Variants in TRPS1 observed in about 807,000 individuals in gnomAD.
TRPS1 encodes the protein zinc finger transcription factor Trps1.
In TRPS1, 6 loss-of-function variants were observed where a neutral mutation model predicts 101.2. That is an observed-to-expected ratio of 0.06 (90% CI 0.03 to 0.12). The LOEUF (loss-of-function observed/expected upper bound fraction) is 0.12, where lower values mean the gene tolerates loss of function less well. Ranked by LOEUF, TRPS1 falls within the 10% of genes least tolerant of loss-of-function variation. The pLI is 1.00. For missense variants in TRPS1, 1,363 were observed against 1,567.0 expected (o/e 0.87, Z 2.20); for synonymous variants, 578 against 589.8 (o/e 0.98, Z 0.29).
At chr8:115,509,210 T>C (rs545573328) in intron 5 of TRPS1, among the ~76,000 whole-genome samples, 1 of 152,138 alleles carries the variant, frequency 6.6e-6, no homozygotes, top group East Asian at 1.9e-4. Context: ...GAACTCCTTA[T>C]CTCTTTAAAG....
intron 5 of TRPS1, among the ~76,000 whole-genome samples, chr8:115,581,224 A>C (rs1373447831): frequency 6.6e-6 from 1 of 152,140 alleles, no homozygotes; most frequent in East Asian, 1.9e-4. Flanking sequence ...GTAGAAACCA[A>C]AAACGGAAGA....
At chr8:115,583,927 A>G (rs1193684425) in intron 5 of TRPS1, among the ~76,000 whole-genome samples, 2 of 152,070 alleles carry the variant, frequency 1.3e-5, no homozygotes, top group African/African-American at 4.8e-5. Context: ...AAAACCACTA[A>G]TGTTAATGAA....
At chr8:115,543,739 T>C (rs1173579240) in intron 5 of TRPS1, among the ~76,000 whole-genome samples, 1 of 152,112 alleles carries the variant, frequency 6.6e-6, no homozygotes, top group Non-Finnish European at 1.5e-5. Flanking sequence ...GTAAGTCAAG[T>C]AAGAATCTAA....
intron 1 of TRPS1, among the ~76,000 whole-genome samples, chr8:115,630,558 G>A (rs983322435): frequency 9.2e-5 from 14 of 151,916 alleles, no homozygotes; most frequent in African/African-American, 3.4e-4. Context: ...GAAACCAAAA[G>A]TCAGAGGTAG....
intron 5 of TRPS1, among the ~76,000 whole-genome samples, chr8:115,533,971 T>A (rs986328077): frequency 6.6e-6 from 1 of 152,058 alleles, no homozygotes; most frequent in Non-Finnish European, 1.5e-5. Flanking sequence ...AAAAGCCCCA[T>A]CCCGAAACAC....
In TRPS1 at chr8:115,603,958, G is replaced by T; in HGVS notation, c.2011C>A (p.Gln671Lys). 1 of 1,613,920 alleles carries T rather than the reference G, an allele frequency of 6.2e-7. No individual in the cohort carries two copies. The highest frequency in any genetic ancestry group is 8.5e-7 in the Non-Finnish European group (1 of 1,179,956). The change falls in exon 4 of 7, where the codon CAG becomes AAG. Residue 671 changes from glutamine to lysine, a missense_variant. Around this residue, in one of 5 missense-constraint regions of TRPS1, gnomAD observed 1,020 missense variants for 1,073.0 expected, o/e 0.95. Coordinates refer to ENST00000395715, the MANE Select transcript of TRPS1 (RefSeq NM_014112.5). The stretch of plus-strand genomic sequence containing the variant: ...TGTTCTTTGCTTTCCTTGACAGACT[G>T]CTGCCCATCCGATCCTTGCAGGTGA... ...ANHLQGSDGQ[Q>K]SVKESKEHSC...
chr8:115,416,970 C>G (rs1042019620), intron 6 of TRPS1, among the ~76,000 whole-genome samples: 3 of 152,028 alleles, frequency 2.0e-5, no homozygotes, highest in Admixed American at 6.6e-5. Context: ...GTTTTTGACA[C>G]AAAATGTGAA....
rs777819807 is a variant in TRPS1 at position 115,414,872 on chromosome 8, G to A, written c.3036C>T (p.Pro1012=). ...TESHQREIPL[P]SLSKYEAQGS... ...CCTGGGCTTCGTATTTACTTAGGCT[G>A]GGGAGTGGAATTTCTCTCTGGTGAC... Residue 1012 remains proline (P), a synonymous_variant, in exon 7 of 7, where the codon CCC becomes CCT. Transcript: ENST00000395715. The surrounding 1 kb of genome is among the most constrained non-coding windows in gnomAD (Gnocchi z 4.8). 15 of 1,613,110 alleles carry A rather than the reference G, an allele frequency of 9.3e-6. No homozygotes were observed. The South Asian group carries it at 1.6e-4, about 18-fold the overall frequency.
At position 115,636,534 on chromosome 8, in the gene TRPS1, T is replaced by C. The variant is rs538642461; in HGVS notation, c.-121-12776A>G. Among the ~76,000 whole-genome samples the C allele has an allele frequency of 3.4e-4, 52 of 152,332 alleles. No individual in the cohort carries two copies. In the Middle Eastern group the frequency reaches 0.02, roughly 60 times the overall value. ...CTTTGTTAAAGAAACAAGGCTCACA[T>C]TAAACATTTCAGTAATAATACAGGA... On this transcript the variant is annotated intron_variant, in intron 1 of 6. Coordinates refer to ENST00000395715, the MANE Select transcript of TRPS1 (RefSeq NM_014112.5).
intron 5 of TRPS1, among the ~76,000 whole-genome samples, chr8:115,489,923 A>G (rs1814978756): frequency 6.6e-6 from 1 of 152,114 alleles, no homozygotes; most frequent in Non-Finnish European, 1.5e-5. Context: ...TTTTTATGCC[A>G]TACATAAAAA....
intron 1 of TRPS1, among the ~76,000 whole-genome samples, chr8:115,642,754 A>T (rs1818930558): frequency 6.6e-6 from 1 of 151,432 alleles, no homozygotes; most frequent in South Asian, 2.1e-4. Flanking sequence ...CAGCAAAAAC[A>T]TTAGTAAGTT....
At chr8:115,635,985 A>C (rs943436948) in intron 1 of TRPS1, among the ~76,000 whole-genome samples, 2 of 152,168 alleles carry the variant, frequency 1.3e-5, no homozygotes, top group African/African-American at 4.8e-5. Flanking sequence ...TTCCTACATA[A>C]TTATGTCAAG....
chr8:115,631,304 T>C (rs1818635954), intron 1 of TRPS1, among the ~76,000 whole-genome samples: 1 of 152,120 alleles, frequency 6.6e-6, no homozygotes, highest in Non-Finnish European at 1.5e-5. Flanking sequence ...TATATTATGA[T>C]TTATATTATC....
intron 5 of TRPS1, among the ~76,000 whole-genome samples, chr8:115,432,221 CA>C (rs1329680341): frequency 0.038 from 1 of 26 alleles, no homozygotes; most frequent in African/African-American, 0.25. Flanking sequence ...AATGACACTT[CA>C]AGGACCCAGC....
intron 5 of TRPS1, among the ~76,000 whole-genome samples, chr8:115,495,444 T>C (rs898824189): frequency 6.6e-6 from 1 of 150,600 alleles, no homozygotes; most frequent in African/African-American, 2.4e-5. Context: ...AGCCAAATTA[T>C]GGCAGAAAGG....
rs746136409 is a variant in TRPS1, at chr8:115,619,922, G to A, written c.176C>T (p.Thr59Met). The change falls in exon 3 of 7, where the codon ACG (threonine) becomes ATG (methionine). Residue 59 changes from threonine to methionine, a missense_variant. This residue lies in a region of TRPS1 where 1,020 missense variants were observed against 1,073.0 expected (regional missense o/e 0.95). Transcript: ENST00000395715. ...EFSADQMSEN[T>M]DQSDAAELNH... is the part of the protein sequence containing the mutation. ...TAGTTCTGCAGCATCACTCTGATCCGTATTTTCTGACATCTGATCTGCAGA... is the reference window on the plus strand; with the variant it reads ...TAGTTCTGCAGCATCACTCTGATCCATATTTTCTGACATCTGATCTGCAGA... The A allele has an allele frequency of 2.3e-5, 37 of 1,613,970 alleles. No individual in the cohort carries two copies. The highest frequency in any genetic ancestry group is 2.8e-5 in the Non-Finnish European group (33 of 1,180,022).
chr8:115,428,677 A>T (rs970707305), intron 5 of TRPS1, among the ~76,000 whole-genome samples: 2 of 152,208 alleles, frequency 1.3e-5, no homozygotes, highest in African/African-American at 4.8e-5. Flanking sequence ...CTATCTCGGG[A>T]ATACCTCTGG....
Position 115,409,147 on chromosome 8 carries a change from T to C in TRPS1, c.*4876A>G, listed in dbSNP as rs1024898501. On this transcript the variant is annotated 3_prime_UTR_variant, in exon 7 of 7. Transcript: ENST00000395715. ...CTCAAAGTGCTTTACAAACAAGTAC[T>C]ACATTACCATTATTATTATTAATAA... 1.3e-5 allele frequency: 2 copies of C among 149,548 alleles called. No individual in the cohort carries two copies. The highest frequency in any genetic ancestry group is 3.0e-5 in the Non-Finnish European group (2 of 67,624). The allele number at this position is 149,548 out of a possible 1,614,324, so 9.3% of individuals were successfully genotyped here.
At chr8:115,513,652 C>G (rs1214302553) in intron 5 of TRPS1, among the ~76,000 whole-genome samples, 1 of 151,550 alleles carries the variant, frequency 6.6e-6, no homozygotes, top group Admixed American at 6.6e-5. Flanking sequence ...TACAATGTCA[C>G]AGTTGAGTTC....
Sources: allele counts gnomAD v4.1 joint callset (sites outside exome capture counted in the v4.1 genomes callset), GRCh38; gene constraint gnomAD v4.1.1; regional missense constraint gnomAD v4.1.1; non-coding constraint Gnocchi (gnomAD v3.1); transcripts MANE v1.5; gene names NCBI Gene and HGNC (gene_info 2026-07-23, HGNC 2026-07-21).